Variants in EXOC4 observed in about 807,000 individuals in gnomAD.
EXOC4 encodes exocyst complex component 4.
EXOC4 carries 71 observed loss-of-function variants against 107.2 expected under a neutral mutation model. The observed-to-expected ratio is 0.66, with a 90% CI of 0.55 to 0.81. EXOC4 has a LOEUF of 0.81. Ranked by LOEUF, EXOC4 falls within the 30% of genes least tolerant of loss-of-function variation. The pLI, the probability that EXOC4 is intolerant of heterozygous loss-of-function variation, is 0.00. For synonymous variants in EXOC4, 456 were observed against 441.2 expected, an observed-to-expected ratio of 1.03 and a Z score of -0.42; for missense variants, 1,108 against 1,189.6, an observed-to-expected ratio of 0.93 and a Z score of 1.01.
intron 9 of EXOC4, among the ~76,000 whole-genome samples, chr7:133,558,098 T>A (rs1000879503): frequency 6.6e-6 from 1 of 152,204 alleles, no homozygotes; most frequent in African/African-American, 2.4e-5. Flanking sequence ...TTATCTGCTT[T>A]TTTATTCCTT....
chr7:134,039,724 G>A (rs1331706837), intron 17 of EXOC4, among the ~76,000 whole-genome samples: 1 of 152,116 alleles, frequency 6.6e-6, no homozygotes, highest in Non-Finnish European at 1.5e-5. Context: ...GAGTTTACAT[G>A]CAAAGCTCAT....
chr7:133,767,380 C>T lies in EXOC4; in HGVS notation c.1515-49945C>T, dbSNP rs117046063. On this transcript the variant is annotated intron_variant, in intron 10 of 17. Coordinates refer to ENST00000253861, the MANE Select transcript of EXOC4 (RefSeq NM_021807.4). ...TAGGGCTAGACAGAAGGTGAAATGA[C>T]GTAACATATGTAAAGCATCTAATTC... Among the ~76,000 whole-genome samples the T allele has an allele frequency of 1.0e-2, 1,518 of 151,816 alleles. 21 individuals are homozygous for T. The highest frequency in any genetic ancestry group is 0.012 in the Non-Finnish European group (821 of 67,840).
intron 10 of EXOC4, among the ~76,000 whole-genome samples, chr7:133,630,380 C>T (rs938702199): frequency 1.3e-5 from 2 of 152,042 alleles, no homozygotes; most frequent in Non-Finnish European, 2.9e-5. Flanking sequence ...CACTCGCTAC[C>T]TCTGTCCCTC....
At position 133,288,286 on chromosome 7, in the gene EXOC4, A is replaced by T. The variant is rs74426508; in HGVS notation, c.277-636A>T. On this transcript the variant is annotated intron_variant, in intron 2 of 17. Coordinates refer to ENST00000253861, the MANE Select transcript of EXOC4 (RefSeq NM_021807.4). ...CCTTTTATTTTGTCATGTTTTGCCT[A>T]TGCTAGTCACTATACTATGCAGATC... 1.6e-3 allele frequency among the ~76,000 whole-genome samples: 246 copies of T among 152,226 alleles called. 3 individuals carry two copies. In the East Asian group the frequency reaches 0.04, roughly 25 times the overall value.
intron 9 of EXOC4, among the ~76,000 whole-genome samples, chr7:133,577,836 C>T (rs1801166290): frequency 6.6e-6 from 1 of 152,058 alleles, no homozygotes; most frequent in Non-Finnish European, 1.5e-5. Context: ...TTGACATATG[C>T]ACTTTTTCTG....
chr7:133,901,530 C>T (rs1799450862), intron 12 of EXOC4, among the ~76,000 whole-genome samples: 1 of 152,190 alleles, frequency 6.6e-6, no homozygotes, highest in African/African-American at 2.4e-5. Context: ...TGAAAAGCTC[C>T]TCAGCCTCTC....
chr7:133,810,433 G>A (rs947021968), intron 10 of EXOC4, among the ~76,000 whole-genome samples: 11 of 152,168 alleles, frequency 7.2e-5, no homozygotes, highest in African/African-American at 2.6e-4. Flanking sequence ...CCTCATGTGT[G>A]CATTCCAAAG....
At chr7:133,560,967 G>C (rs1327378234) in intron 9 of EXOC4, among the ~76,000 whole-genome samples, 1 of 151,980 alleles carries the variant, frequency 6.6e-6, no homozygotes, top group Non-Finnish European at 1.5e-5. Flanking sequence ...AAAGATACTA[G>C]ATCAGTGACT....
At chr7:133,485,100 A>C (rs1458239433) in intron 9 of EXOC4, among the ~76,000 whole-genome samples, 2 of 146,334 alleles carry the variant, frequency 1.4e-5, no homozygotes, top group African/African-American at 5.0e-5. Context: ...TAAATAAATA[A>C]ATAAATAAAT....
At position 133,683,953 on chromosome 7, in the gene EXOC4, G is replaced by A. The variant is rs191910589; in HGVS notation, c.1514+53812G>A. On this transcript the variant is annotated intron_variant, in intron 10 of 17. Transcript: ENST00000253861. ...TTCAAAATTAAGCATAGCATATTGA[G>A]CAAATGATCACAAAGTACATCCAAG... Among the ~76,000 whole-genome samples the A allele has an allele frequency of 7.9e-5, 12 of 152,196 alleles. No homozygotes were observed. In the East Asian group the frequency reaches 2.3e-3, roughly 29 times the overall value.
intron 9 of EXOC4, among the ~76,000 whole-genome samples, chr7:133,493,415 C>T (rs766140813): frequency 2.6e-5 from 4 of 152,010 alleles, no homozygotes; most frequent in South Asian, 2.1e-4. Context: ...CCGGCCTGGG[C>T]GACAAAGCGA....
At chr7:133,516,498 G>T (rs187107188) in intron 9 of EXOC4, among the ~76,000 whole-genome samples, 185 of 152,244 alleles carry the variant, frequency 1.2e-3, no homozygotes, top group Admixed American at 9.9e-3. Context: ...TCAAGTTCAT[G>T]CATGTTGTAG....
chr7:133,987,705 G>A (rs1794151280), intron 14 of EXOC4, among the ~76,000 whole-genome samples: 1 of 152,140 alleles, frequency 6.6e-6, no homozygotes, highest in Non-Finnish European at 1.5e-5. Flanking sequence ...TGAATTCACA[G>A]TGTTAACCTT....
intron 17 of EXOC4, among the ~76,000 whole-genome samples, chr7:134,031,702 T>G (rs1307462136): frequency 2.0e-5 from 3 of 152,184 alleles, no homozygotes; most frequent in African/African-American, 7.2e-5. Context: ...GAAATAGCAA[T>G]TCCAAAGTTA....
chr7:133,377,999 C>A (rs1018384432), intron 7 of EXOC4, among the ~76,000 whole-genome samples: 7 of 152,238 alleles, frequency 4.6e-5, no homozygotes, highest in African/African-American at 1.7e-4. Flanking sequence ...ACTAGACTTT[C>A]ACTTAAAGAA....
At chr7:133,369,867 C>A (rs1446573357) in intron 6 of EXOC4, among the ~76,000 whole-genome samples, 1 of 63,290 alleles carries the variant, frequency 1.6e-5, no homozygotes, top group Non-Finnish European at 2.9e-5. Context: ...AGTGCAATGG[C>A]GCAATTTGGC....
chr7:133,883,903 G>A (rs376953590), intron 11 of EXOC4, among the ~76,000 whole-genome samples: 2 of 152,116 alleles, frequency 1.3e-5, no homozygotes, highest in African/African-American at 4.8e-5. Flanking sequence ...AAATCAAAGC[G>A]TAGATTAAAA....
At chr7:133,838,269 TGAAA>T (rs1477277156) in intron 11 of EXOC4, among the ~76,000 whole-genome samples, 2 of 152,142 alleles carry the variant, frequency 1.3e-5, no homozygotes, top group Non-Finnish European at 2.9e-5. Context: ...GGTTCTTTTA[TGAAA>T]GAAAGAAAAC....
At chr7:133,838,408 G>A (rs1353418720) in intron 11 of EXOC4, among the ~76,000 whole-genome samples, 1 of 152,124 alleles carries the variant, frequency 6.6e-6, no homozygotes, top group East Asian at 1.9e-4. Context: ...TCCCTAATTT[G>A]TAATCCACTT....
Sources: allele counts gnomAD v4.1 joint callset (sites outside exome capture counted in the v4.1 genomes callset), GRCh38; gene constraint gnomAD v4.1.1; transcripts MANE v1.5; gene names NCBI Gene and HGNC (gene_info 2026-07-23, HGNC 2026-07-21).